The following MAP2K4 variants were observed in gnomAD, a reference collection of about 807,000 sequenced individuals.
The protein encoded by MAP2K4 is mitogen-activated protein kinase kinase 4.
A neutral mutation model predicts 48.5 loss-of-function variants in MAP2K4; 4 were observed. The ratio of observed to expected loss-of-function variants is 0.08; its 90% CI spans 0.04 to 0.19. MAP2K4 has a LOEUF of 0.19. Among genes scored for constraint, MAP2K4 ranks in the 10% least tolerant of loss-of-function variants. The pLI, the probability that MAP2K4 is intolerant of heterozygous loss-of-function variation, is 1.00. For synonymous variants in MAP2K4, 166 were observed against 173.1 expected (o/e 0.96, Z 0.32); for missense variants, 258 against 493.3 (o/e 0.52, Z 4.52).
chr17:12,032,617 T>A (rs1468803867), intron 1 of MAP2K4, among the ~76,000 whole-genome samples: 1 of 152,186 alleles, frequency 6.6e-6, no homozygotes, highest in Non-Finnish European at 1.5e-5. Flanking sequence ...AGAAGAGAAT[T>A]CACTTTTAAG....
At chr17:12,083,292 C>T (rs1222145426) in intron 3 of MAP2K4, among the ~76,000 whole-genome samples, 1 of 152,190 alleles carries the variant, frequency 6.6e-6, no homozygotes, top group African/African-American at 2.4e-5. Context: ...ATAATGCTTA[C>T]TCAAGTTTTG....
intron 2 of MAP2K4, chr17:12,069,751 G>A: frequency 2.7e-6 from 3 of 1,118,046 alleles, no homozygotes; most frequent in South Asian, 1.9e-5. Flanking sequence ...GAAATTTCCG[G>A]AATTAACAGA....
chr17:12,069,924 T>C (rs1303364806), intron 2 of MAP2K4: 7 of 105,114 alleles, frequency 6.7e-5, no homozygotes, highest in Non-Finnish European at 1.0e-4. Flanking sequence ...TATATATATA[T>C]ATATATATAT....
At chr17:12,058,209 G>C (rs1970341893) in intron 2 of MAP2K4, among the ~76,000 whole-genome samples, 1 of 150,608 alleles carries the variant, frequency 6.6e-6, no homozygotes, top group Admixed American at 6.6e-5. Flanking sequence ...GAGGAAAAGT[G>C]GAATTAACTA....
intron 1 of MAP2K4, among the ~76,000 whole-genome samples, chr17:12,024,769 G>A (rs1338493223): frequency 6.6e-6 from 1 of 152,148 alleles, no homozygotes; most frequent in East Asian, 1.9e-4. Context: ...TTATTCTTTA[G>A]TCCAAGAAAT....
intron 9 of MAP2K4, among the ~76,000 whole-genome samples, chr17:12,133,285 C>T (rs28921082): frequency 5.3e-5 from 8 of 152,268 alleles, no homozygotes; most frequent in African/African-American, 1.9e-4. Context: ...TTTCACCACA[C>T]TGGCCAGGCT....
At chr17:12,069,429 A>G (rs1360150285) in intron 2 of MAP2K4, among the ~76,000 whole-genome samples, 2 of 152,136 alleles carry the variant, frequency 1.3e-5, no homozygotes, top group Non-Finnish European at 2.9e-5. Flanking sequence ...CATGATGCAA[A>G]CATGAATGTT....
At chr17:12,112,287 A>G (rs1972331388) in intron 6 of MAP2K4, among the ~76,000 whole-genome samples, 1 of 151,906 alleles carries the variant, frequency 6.6e-6, no homozygotes, top group Non-Finnish European at 1.5e-5. Flanking sequence ...ACATGGTGAA[A>G]CCCCATCTCT....
intron 2 of MAP2K4, among the ~76,000 whole-genome samples, chr17:12,058,450 G>GTT (rs549466778): frequency 1.2e-3 from 181 of 152,230 alleles, no homozygotes; most frequent in Non-Finnish European, 2.1e-3. Flanking sequence ...CTGATCCAGT[G>GTT]TTCTATTGGG....
chr17:12,124,055 A>T (rs997054784), intron 7 of MAP2K4, among the ~76,000 whole-genome samples: 12 of 141,704 alleles, frequency 8.5e-5, no homozygotes, highest in African/African-American at 2.8e-4. Context: ...GTACCTTATC[A>T]GGCAAATACT....
chr17:12,099,600 A>G lies in MAP2K4; in HGVS notation c.513+3906A>G, dbSNP rs193184489. Among the ~76,000 whole-genome samples, 13 of 152,312 alleles carry G rather than the reference A, an allele frequency of 8.5e-5. No individual in the cohort carries two copies. The East Asian group carries it at 2.3e-3, about 27-fold the overall frequency. ...TCTTTCTAGGATGGAACCAACCTCA[A>G]AAAGAAAAGTCCAAAGTACAGCTTG... On this transcript the variant is annotated intron_variant, in intron 4 of 10. Transcript: ENST00000353533.
intron 1 of MAP2K4, among the ~76,000 whole-genome samples, chr17:12,048,370 A>G (rs755564822): frequency 5.8e-4 from 88 of 152,282 alleles, no homozygotes; most frequent in Non-Finnish European, 9.0e-4. Context: ...AAATGTGCTA[A>G]AAGTTGCTGT....
chr17:12,078,433 T>C (rs1214783585), intron 2 of MAP2K4, among the ~76,000 whole-genome samples: 1 of 152,208 alleles, frequency 6.6e-6, no homozygotes, highest in African/African-American at 2.4e-5. Flanking sequence ...GTGAGATGTT[T>C]TGATATGGGC....
chr17:12,129,035 T>G, intron 8 of MAP2K4, 104 bp from the exon 9 acceptor site: 1 of 1,040,526 alleles, frequency 9.6e-7, no homozygotes, highest in South Asian at 1.6e-5. Context: ...ATTCAAGGCT[T>G]TACTAGAGTT....
intron 9 of MAP2K4, among the ~76,000 whole-genome samples, chr17:12,131,577 C>T (rs916296496): frequency 6.6e-6 from 1 of 152,026 alleles, no homozygotes; most frequent in Non-Finnish European, 1.5e-5. Context: ...ACTTCCCTCT[C>T]CTTGAATGGT....
chr17:12,033,341 A>G (rs1251218872), intron 1 of MAP2K4, among the ~76,000 whole-genome samples: 1 of 152,104 alleles, frequency 6.6e-6, no homozygotes, highest in East Asian at 1.9e-4. Flanking sequence ...CAAAGGCAAA[A>G]AAAATTAACC....
intron 1 of MAP2K4, among the ~76,000 whole-genome samples, chr17:12,022,331 G>A (rs918249627): frequency 5.3e-5 from 8 of 152,180 alleles, no homozygotes; most frequent in African/African-American, 1.9e-4. Flanking sequence ...GACACTTTCT[G>A]TGCAGGCCCT....
At position 12,076,106 on chromosome 17, in the gene MAP2K4, A is replaced by G. The variant is rs61265597; in HGVS notation, c.219-5250A>G. On this transcript the variant is annotated intron_variant, in intron 2 of 10. Coordinates refer to ENST00000353533, the MANE Select transcript of MAP2K4 (RefSeq NM_003010.4). ...TAGAGGGTGGGAGTGAAGGTGGAGG[A>G]TGTGGCTAGAGCTGTTCTAATAACC... Among the ~76,000 whole-genome samples, 1,535 of 152,212 alleles carry G rather than the reference A, an allele frequency of 0.01. 86 individuals carry two copies. The East Asian group carries it at 0.17, about 17-fold the overall frequency.
At chr17:12,030,253 A>T (rs984719955) in intron 1 of MAP2K4, among the ~76,000 whole-genome samples, 5 of 152,220 alleles carry the variant, frequency 3.3e-5, no homozygotes, top group African/African-American at 1.2e-4. Flanking sequence ...CAGAATTGCT[A>T]AAGAAAAGGT....
Sources: gnomAD v4.1 joint callset for allele counts (sites outside exome capture counted in the v4.1 genomes callset) on GRCh38, gnomAD v4.1.1 for gene constraint, MANE v1.5 for transcripts, NCBI Gene and HGNC (gene_info 2026-07-23, HGNC 2026-07-21) for gene names.